Variants in COX7B2 observed in about 807,000 individuals in gnomAD.
The protein encoded by COX7B2 is cytochrome c oxidase subunit 7B2, mitochondrial.
For missense variants in COX7B2, 109 were observed against 95.9 expected, an observed-to-expected ratio of 1.14 and a Z score of -0.57; for synonymous variants, 37 against 32.1, an observed-to-expected ratio of 1.15 and a Z score of -0.51.
intron 2 of COX7B2, among the ~76,000 whole-genome samples, chr4:46,770,457 C>A (rs549660097): frequency 1.7e-4 from 26 of 152,136 alleles, no homozygotes; most frequent in African/African-American, 6.3e-4. Flanking sequence ...TACCAAAATT[C>A]CAATGGCATT....
chr4:46,857,830 G>A (rs1171497545), intron 1 of COX7B2, among the ~76,000 whole-genome samples: 1 of 152,174 alleles, frequency 6.6e-6, no homozygotes, highest in Non-Finnish European at 1.5e-5. Flanking sequence ...TAACCCTGGT[G>A]TTGGGAAGAG....
At chr4:46,789,244 A>G (rs1717909080) in intron 2 of COX7B2, among the ~76,000 whole-genome samples, 1 of 152,136 alleles carries the variant, frequency 6.6e-6, no homozygotes, top group South Asian at 2.1e-4. Flanking sequence ...TGACTATTTA[A>G]TTGTCTACCT....
intron 1 of COX7B2, among the ~76,000 whole-genome samples, chr4:46,887,452 C>T (rs144903134): frequency 2.5e-3 from 377 of 152,208 alleles, no homozygotes; most frequent in African/African-American, 8.5e-3. Context: ...TGGCTCACAC[C>T]TGTAATCCCA....
chr4:46,900,545 G>C (rs1186854764), intron 1 of COX7B2, among the ~76,000 whole-genome samples: 2 of 151,970 alleles, frequency 1.3e-5, no homozygotes, highest in African/African-American at 4.8e-5. Context: ...TACTGATATG[G>C]GGCACCTCAA....
intron 2 of COX7B2, among the ~76,000 whole-genome samples, chr4:46,763,462 T>C (rs1716345738): frequency 6.6e-6 from 1 of 151,640 alleles, no homozygotes; most frequent in Non-Finnish European, 1.5e-5. Context: ...CTTTGAAACA[T>C]TTTCCAGAGG....
intron 2 of COX7B2, among the ~76,000 whole-genome samples, chr4:46,813,843 C>G (rs1216819460): frequency 6.6e-6 from 1 of 151,846 alleles, no homozygotes; most frequent in African/African-American, 2.4e-5. Context: ...AACAACTTAA[C>G]AGAAAAAAAA....
chr4:46,828,057 C>A (rs1295998410), intron 2 of COX7B2, among the ~76,000 whole-genome samples: 1 of 152,008 alleles, frequency 6.6e-6, no homozygotes, highest in South Asian at 2.1e-4. Flanking sequence ...TCAAACTGTA[C>A]CCTTAATGTG....
chr4:46,876,108 A>T (rs190146685), intron 1 of COX7B2, among the ~76,000 whole-genome samples: 1 of 152,184 alleles, frequency 6.6e-6, no homozygotes, highest in Non-Finnish European at 1.5e-5. Context: ...GAAACACACT[A>T]CATCTTATGG....
chr4:46,869,078 G>T (rs1403552646), intron 1 of COX7B2, among the ~76,000 whole-genome samples: 2 of 152,094 alleles, frequency 1.3e-5, no homozygotes, highest in African/African-American at 4.8e-5. Context: ...TACATATTTA[G>T]GATAGTTAGG....
At chr4:46,827,744 T>C (rs1577619728) in intron 2 of COX7B2, among the ~76,000 whole-genome samples, 1 of 152,028 alleles carries the variant, frequency 6.6e-6, no homozygotes, top group African/African-American at 2.4e-5. Context: ...ACAATATATA[T>C]AGTGTATGTG....
At chr4:46,845,809 C>A (rs1716240423) in intron 1 of COX7B2, among the ~76,000 whole-genome samples, 1 of 151,974 alleles carries the variant, frequency 6.6e-6, no homozygotes, top group South Asian at 2.1e-4. Flanking sequence ...CACCAAGGTA[C>A]ATGTACATGT....
At chr4:46,822,403 G>T (rs1714362882) in intron 2 of COX7B2, among the ~76,000 whole-genome samples, 1 of 151,966 alleles carries the variant, frequency 6.6e-6, no homozygotes, top group African/African-American at 2.4e-5. Flanking sequence ...AATATAGAGA[G>T]GATCCAGGTG....
At chr4:46,769,355 A>G (rs1716736944) in intron 2 of COX7B2, among the ~76,000 whole-genome samples, 1 of 152,188 alleles carries the variant, frequency 6.6e-6, no homozygotes, top group East Asian at 1.9e-4. Context: ...AAAAAGAACA[A>G]TAAAAGGTTA....
At chr4:46,798,356 T>C (rs1446316217) in intron 2 of COX7B2, among the ~76,000 whole-genome samples, 2 of 152,190 alleles carry the variant, frequency 1.3e-5, no homozygotes, top group Non-Finnish European at 2.9e-5. Context: ...CTCATTTACC[T>C]AGTGACCCAA....
chr4:46,791,906 A>G (rs1361923958), intron 2 of COX7B2, among the ~76,000 whole-genome samples: 1 of 152,230 alleles, frequency 6.6e-6, no homozygotes, highest in East Asian at 1.9e-4. Flanking sequence ...ACACTACAAG[A>G]AAGATGGCTT....
intron 2 of COX7B2, among the ~76,000 whole-genome samples, chr4:46,788,957 G>GGCC (rs1448265726): frequency 6.6e-6 from 1 of 152,074 alleles, no homozygotes. Flanking sequence ...ATGCTCACTC[G>GGCC]GCCTGTTTCC....
chr4:46,780,591 A>G (rs1027121600), intron 2 of COX7B2, among the ~76,000 whole-genome samples: 3 of 152,280 alleles, frequency 2.0e-5, no homozygotes, highest in Non-Finnish European at 4.4e-5. Flanking sequence ...TGATAAAGGT[A>G]TAAGATTGCT....
chr4:46,867,423 T>C (rs987650913), intron 1 of COX7B2, among the ~76,000 whole-genome samples: 31 of 152,252 alleles, frequency 2.0e-4, no homozygotes, highest in Non-Finnish European at 4.3e-4. Context: ...AGGCTGTCTC[T>C]AGCTGCCTTT....
In COX7B2 at chr4:46,860,591, G is replaced by T. The variant is rs74559368; in HGVS notation, c.-104-15577C>A. On this transcript the variant is annotated intron_variant, in intron 1 of 2. Coordinates refer to ENST00000355591, the MANE Select transcript of COX7B2 (RefSeq NM_130902.3). ...GGTGAATCAGGAAATGAAGTCTCTGGTTAGATGGTCAATTCAAAATCCCCC... is the reference window on the plus strand; with the variant it reads ...GGTGAATCAGGAAATGAAGTCTCTGTTTAGATGGTCAATTCAAAATCCCCC... Among the ~76,000 whole-genome samples, 916 of 152,224 alleles carry T rather than the reference G, an allele frequency of 6.0e-3. 6 individuals are homozygous for T. Among genetic ancestry groups the T allele is most frequent in the African/African-American group, 0.021 (860 of 41,532 alleles).
Sources: allele counts gnomAD v4.1 joint callset (sites outside exome capture counted in the v4.1 genomes callset), GRCh38; gene constraint gnomAD v4.1.1; transcripts MANE v1.5; gene names NCBI Gene and HGNC (gene_info 2026-07-23, HGNC 2026-07-21).